The following ATXN1 variants were observed in gnomAD, a reference collection of about 807,000 sequenced individuals.
ATXN1 encodes the protein ataxin-1.
A neutral mutation model predicts 56.4 loss-of-function variants in ATXN1; 8 were observed. The observed-to-expected ratio is 0.14, with a 90% CI of 0.08 to 0.26. The LOEUF (loss-of-function observed/expected upper bound fraction) is 0.26, where lower values mean the gene tolerates loss of function less well. Ranked by LOEUF, ATXN1 falls within the 10% of genes least tolerant of loss-of-function variation. ATXN1 has a pLI of 1.00. For synonymous variants in ATXN1, 514 were observed against 494.6 expected (o/e 1.04, Z -0.52); for missense variants, 987 against 1,106.5 (o/e 0.89, Z 1.53).
At chr6:16,624,310 C>G (rs1210001987) in intron 3 of ATXN1, among the ~76,000 whole-genome samples, 1 of 143,432 alleles carries the variant, frequency 7.0e-6, no homozygotes, top group Non-Finnish European at 1.5e-5. Context: ...GAGATCACAC[C>G]ATCACACTCC....
intron 4 of ATXN1, among the ~76,000 whole-genome samples, chr6:16,528,066 C>T (rs936153916): frequency 2.6e-5 from 4 of 151,922 alleles, no homozygotes; most frequent in Non-Finnish European, 5.9e-5. Flanking sequence ...TTTCGGAGGC[C>T]AAGGCAGGAA....
chr6:16,425,154 T>C (rs1465034448), intron 6 of ATXN1, among the ~76,000 whole-genome samples: 2 of 152,260 alleles, frequency 1.3e-5, no homozygotes, highest in African/African-American at 4.8e-5. Flanking sequence ...ATGCCTGATT[T>C]CAGATTCTGT....
chr6:16,478,270 C>T (rs554817715), intron 6 of ATXN1, among the ~76,000 whole-genome samples: 26 of 152,272 alleles, frequency 1.7e-4, no homozygotes, highest in Admixed American at 1.4e-3. Flanking sequence ...AAGGAACTAG[C>T]TTTAGATAGG....
intron 2 of ATXN1, among the ~76,000 whole-genome samples, chr6:16,735,476 A>G (rs1332056816): frequency 6.6e-6 from 1 of 152,230 alleles, no homozygotes; most frequent in East Asian, 1.9e-4. Context: ...AAGATGCCCA[A>G]ATGAATGGAG....
At chr6:16,671,305 C>CTTTTTTTTTTTT (rs142311437) in intron 2 of ATXN1, among the ~76,000 whole-genome samples, 1 of 73,512 alleles carries the variant, frequency 1.4e-5, no homozygotes, top group Non-Finnish European at 2.5e-5. Context: ...CTTTTCTTTT[C>CTTTTTTTTTTTT]TTTCTTTTTT....
chr6:16,395,211 G>T (rs576197624), intron 6 of ATXN1, among the ~76,000 whole-genome samples: 1 of 145,374 alleles, frequency 6.9e-6, no homozygotes, highest in East Asian at 2.0e-4. Flanking sequence ...TGGAGGTTGC[G>T]GTGAGCCAAG....
chr6:16,497,385 T>A (rs1709173), intron 5 of ATXN1, among the ~76,000 whole-genome samples: 86,549 of 151,522 alleles, frequency 0.57, 26,886 homozygotes, highest in African/African-American at 0.82. Context: ...GAAAATTAAA[T>A]AAATGATTAA....
intron 2 of ATXN1, among the ~76,000 whole-genome samples, chr6:16,674,336 CT>C (rs869081370): frequency 1.1e-3 from 86 of 78,110 alleles, no homozygotes; most frequent in South Asian, 2.9e-3. Context: ...AGAGAACTTT[CT>C]TTTTTTTTTT....
chr6:16,343,031 C>G (rs1440145755), intron 6 of ATXN1, among the ~76,000 whole-genome samples: 2 of 152,082 alleles, frequency 1.3e-5, no homozygotes, highest in Non-Finnish European at 2.9e-5. Context: ...ATTTTGTCAC[C>G]AGTCAAAAAT....
In ATXN1 at chr6:16,327,773, G is replaced by A. The variant is rs774589812; in HGVS notation, c.538C>T (p.Leu180=). The A allele has an allele frequency of 3.7e-6, 6 of 1,609,890 alleles. No homozygotes were observed. The highest frequency in any genetic ancestry group is 4.2e-6 in the Non-Finnish European group (5 of 1,179,972). ...QRSQLEAYST[L]LANMGSLSQT... ...CTCAGACTGCCCATGTTGGCCAGCA[G>A]AGTGGAATAGGCCTCCAGCTGGGAG... The change falls in exon 7 of 8, where the codon CTG becomes TTG. Residue 180 remains leucine, a synonymous_variant. Transcript: ENST00000436367.
At chr6:16,406,678 G>T (rs951379991) in intron 6 of ATXN1, among the ~76,000 whole-genome samples, 2 of 152,154 alleles carry the variant, frequency 1.3e-5, no homozygotes, top group African/African-American at 2.4e-5. Context: ...TGCTTATACT[G>T]GTCCAAGCAA....
At chr6:16,665,659 T>A (rs988829247) in intron 2 of ATXN1, among the ~76,000 whole-genome samples, 2 of 152,146 alleles carry the variant, frequency 1.3e-5, no homozygotes, top group South Asian at 4.1e-4. Flanking sequence ...CTGGCCTCAA[T>A]TTCCATAATT....
chr6:16,639,988 G>A (rs1763678619), intron 3 of ATXN1, among the ~76,000 whole-genome samples: 1 of 152,030 alleles, frequency 6.6e-6, no homozygotes, highest in Non-Finnish European at 1.5e-5. Flanking sequence ...GAAAAGAAAG[G>A]ACACATCAGT....
chr6:16,393,799 C>T (rs1198052911), intron 6 of ATXN1, among the ~76,000 whole-genome samples: 3 of 152,026 alleles, frequency 2.0e-5, no homozygotes, highest in Non-Finnish European at 2.9e-5. Flanking sequence ...GGGAGGATCA[C>T]GAGGTCAGGA....
intron 6 of ATXN1, among the ~76,000 whole-genome samples, chr6:16,395,636 G>A (rs530546744): frequency 5.9e-5 from 9 of 152,252 alleles, no homozygotes; most frequent in African/African-American, 2.2e-4. Flanking sequence ...AGTTGATAGT[G>A]AAAATAAATG....
At position 16,327,994 on chromosome 6, in the gene ATXN1, T is replaced by C. The variant is rs746951702; in HGVS notation, c.317A>G (p.Tyr106Cys). 6.2e-7 allele frequency: 1 copy of C among 1,613,446 alleles called. No individual in the cohort carries two copies. The highest frequency in any genetic ancestry group is 1.7e-5 in the Admixed American group (1 of 59,988). The change falls in exon 7 of 8, where the codon TAC (tyrosine) becomes TGC (cysteine). Residue 106 changes from tyrosine to cysteine, a missense_variant. Around this residue, in one of 3 missense-constraint regions of ATXN1, gnomAD observed 723 missense variants for 791.7 expected, o/e 0.91. Coordinates refer to ENST00000436367, the MANE Select transcript of ATXN1 (RefSeq NM_001128164.2). ...CGGGGTCCCTGGCTGCGGGGTGGCG[T>C]ACGCGGCAGGCAGCGTGGTGGCCAC... ...VPVATTLPAA[Y>C]ATPQPGTPVS...
chr6:16,715,876 C>G (rs1759629077), intron 2 of ATXN1, among the ~76,000 whole-genome samples: 1 of 152,178 alleles, frequency 6.6e-6, no homozygotes, highest in Non-Finnish European at 1.5e-5. Context: ...ACCACGTCCC[C>G]TAAGCCCTAC....
intron 3 of ATXN1, among the ~76,000 whole-genome samples, chr6:16,622,189 G>A (rs1763330588): frequency 6.6e-6 from 1 of 152,168 alleles, no homozygotes; most frequent in Non-Finnish European, 1.5e-5. Flanking sequence ...AAACAAGTAT[G>A]TGTAAGTGCA....
At chr6:16,345,238 G>A (rs1030618872) in intron 6 of ATXN1, among the ~76,000 whole-genome samples, 1 of 152,144 alleles carries the variant, frequency 6.6e-6, no homozygotes, top group African/African-American at 2.4e-5. Flanking sequence ...ACTTTCTCAC[G>A]TGAGATTATT....
Sources: gnomAD v4.1 joint callset for allele counts (sites outside exome capture counted in the v4.1 genomes callset) on GRCh38, gnomAD v4.1.1 for gene constraint, gnomAD v4.1.1 regional missense constraint, MANE v1.5 for transcripts, NCBI Gene and HGNC (gene_info 2026-07-23, HGNC 2026-07-21) for gene names.